Variants in ZNF185 observed in about 807,000 individuals in gnomAD.
ZNF185 encodes the protein zinc finger protein 185 with LIM domain.
In ZNF185, 56 loss-of-function variants were observed where a neutral mutation model predicts 58.6. The ratio of observed to expected loss-of-function variants is 0.95; its 90% CI spans 0.77 to 1.19. The LOEUF is 1.19. Ranked by LOEUF, ZNF185 falls within the 50% of genes most tolerant of loss-of-function variation. The pLI is 0.00. For synonymous variants in ZNF185, 230 were observed against 215.9 expected, an observed-to-expected ratio of 1.07 and a Z score of -0.57; for missense variants, 627 against 573.5, an observed-to-expected ratio of 1.09 and a Z score of -0.95.
chrX:152,914,684 G>C (rs368641142), intron 1 of ZNF185, 26 bp from the exon 3 acceptor site: 5 of 1,195,084 alleles, frequency 4.2e-6, no homozygotes, highest in Non-Finnish European at 5.6e-6. Context: ...TTCCTCTTCT[G>C]AGGCGGTTGG....
chrX:152,951,737 T>G (rs1450908755), intron 16 of ZNF185, among the ~76,000 whole-genome samples: 1 of 112,137 alleles, frequency 8.9e-6, no homozygotes, highest in Non-Finnish European at 1.9e-5. Flanking sequence ...TTATAGTTGT[T>G]ATATACTTTT....
upstream of ZNF185, among the ~76,000 whole-genome samples, chrX:152,909,894 G>A (rs1603091191): frequency 1.9e-5 from 2 of 107,724 alleles, no homozygotes; most frequent in Admixed American, 2.0e-4. Flanking sequence ...CTGCTTGCCT[G>A]GCATCAACTC....
At chrX:152,917,561 A>G (rs954683649) in intron 5 of ZNF185, among the ~76,000 whole-genome samples, 199 bp downstream of exon 6, 1 of 111,394 alleles carries the variant, frequency 9.0e-6, no homozygotes, top group Non-Finnish European at 1.9e-5. Context: ...GGCAGTCCCA[A>G]GTGGATGTGT....
intron 12 of ZNF185, 82 bp from the exon 14 acceptor site, chrX:152,931,590 T>A: frequency 1.2e-6 from 1 of 847,196 alleles, no homozygotes; most frequent in East Asian, 3.5e-5. Context: ...TGGAGACAGC[T>A]GGCGTTTGAG....
chrX:152,931,723 G>C, exon 13 of ZNF185: 4 of 1,210,998 alleles, frequency 3.3e-6, no homozygotes, highest in Non-Finnish European at 4.5e-6. Context: ...GAGAGCTCCA[G>C]AGGGACTTGG....
Position 152,963,820 on chromosome X carries a change from C to T in ZNF185, c.1608-19C>T. Reference sequence around the variant, plus strand: ...AGCTCCCAGGTTGACGTGCCCACCCCTCCCTTTATTTCTTTCAGGGTGAGG... The same window carrying T: ...AGCTCCCAGGTTGACGTGCCCACCCTTCCCTTTATTTCTTTCAGGGTGAGG... On this transcript the variant is annotated intron_variant, in intron 17 of 22. Coordinates refer to ENST00000449285, the Ensembl canonical transcript of ZNF185. 4 of 1,201,817 alleles carry T rather than the reference C, an allele frequency of 3.3e-6. No individual in the cohort carries two copies. The highest frequency in any genetic ancestry group is 4.5e-6 in the Non-Finnish European group (4 of 889,326).
In ZNF185 at chrX:152,940,419, T is replaced by TGGTGAG. The variant is rs2047046557; in HGVS notation, c.1211+2260_1211+2261insAGGGTG. Among the ~76,000 whole-genome samples the TGGTGAG allele has an allele frequency of 2.9e-4, 9 of 30,778 alleles. 1 individual carries two copies. In the South Asian group the frequency reaches 0.018, roughly 62 times the overall value. 26.7% of individuals were successfully genotyped at this position (30,778 alleles called of 115,157 possible). ...GCCGGACACCTCAAAGCTGGGAGTG[T>TGGTGAG]GGTGGGGGTGGGGGTGGGGGTGGGG... On this transcript the variant is annotated intron_variant, in intron 15 of 22. Coordinates refer to ENST00000449285, the Ensembl canonical transcript of ZNF185.
At chrX:152,901,936 G>A in the ZNF185 span, among the ~76,000 whole-genome samples, 9 of 112,046 alleles carry the variant, frequency 8.0e-5, no homozygotes, top group African/African-American at 9.7e-5. Context: ...TTTGACTGCC[G>A]AAGGGTCCCA....
At position 152,938,157 on chromosome X, in the gene ZNF185, CA is replaced by C; in HGVS notation, c.1208del (p.Lys403ArgfsTer70). The C allele has an allele frequency of 8.5e-7, 1 of 1,181,635 alleles. No homozygotes were observed. The highest frequency in any genetic ancestry group is 1.1e-6 in the Non-Finnish European group (1 of 879,897). On this transcript the variant is annotated frameshift_variant, in exon 15 of 23. Coordinates refer to ENST00000449285, the Ensembl canonical transcript of ZNF185. LOFTEE classifies it high-confidence loss of function. Reference sequence around the variant, plus strand: ...GCCCAGGAGGATGCAAAGGCAGACCCAAAGGGGTAAGGCATGAGCAGACAGT... The same window carrying C: ...GCCCAGGAGGATGCAAAGGCAGACCCAAGGGGTAAGGCATGAGCAGACAGT...
At chrX:152,933,988 G>T (rs1287685829) in intron 14 of ZNF185, among the ~76,000 whole-genome samples, 3 of 112,707 alleles carry the variant, frequency 2.7e-5, no homozygotes, top group Admixed American at 9.3e-5. Context: ...CTCCGAGCAG[G>T]TCCAAGGAGA....
At chrX:152,911,090 T>C (rs1312582187), upstream of ZNF185, among the ~76,000 whole-genome samples, 3 of 111,458 alleles carry the variant, frequency 2.7e-5, no homozygotes, top group Admixed American at 1.9e-4. Flanking sequence ...AGGGCTTGCC[T>C]GGGAAGACTT....
At chrX:152,959,736 A>G in exon 17 of ZNF185, 1 of 1,211,649 alleles carries the variant, frequency 8.3e-7, no homozygotes, top group Non-Finnish European at 1.1e-6. Flanking sequence ...TGTGGCCACC[A>G]AGGTCGGAGA....
exon 17 of ZNF185, chrX:152,959,871 G>A (rs782134471): frequency 7.4e-6 from 9 of 1,209,257 alleles, no homozygotes; most frequent in Admixed American, 6.6e-5. Context: ...TGAGCAATTC[G>A]TCAGACGAGA....
At chrX:152,954,692 A>C (rs2125856934) in intron 16 of ZNF185, among the ~76,000 whole-genome samples, 1 of 112,337 alleles carries the variant, frequency 8.9e-6, no homozygotes, top group East Asian at 2.8e-4. Context: ...TCATCTCAAA[A>C]AACTGTTATC....
chrX:152,959,681 G>T lies in ZNF185; in HGVS notation c.1410-18G>T. On this transcript the variant is annotated intron_variant, in intron 16 of 22. Transcript: ENST00000449285. ...AGTCTCAGGGCACTCACTTCATAAG[G>T]GTCTTATTCTTCCTCAGCGTGTTGA... 2 of 1,204,173 alleles carry T rather than the reference G, an allele frequency of 1.7e-6. No individual in the cohort carries two copies. The highest frequency in any genetic ancestry group is 1.1e-6 in the Non-Finnish European group (1 of 891,459).
the ZNF185 span, among the ~76,000 whole-genome samples, chrX:152,905,863 C>T: frequency 8.1e-5 from 9 of 111,112 alleles, no homozygotes; most frequent in Middle Eastern, 4.8e-3. Context: ...AGGGACTCCC[C>T]TCCAGAGTCC....
chrX:152,944,644 G>A (rs1243590659), intron 15 of ZNF185, among the ~76,000 whole-genome samples: 2 of 111,955 alleles, frequency 1.8e-5, no homozygotes, highest in Non-Finnish European at 3.8e-5. Context: ...TGAAGAGCTC[G>A]ATGCCTGAGA....
At position 152,928,507 on chromosome X, in the gene ZNF185, C is replaced by G. The variant is rs116131301; in HGVS notation, c.831-68C>G. 3.5e-3 allele frequency: 4,008 copies of G among 1,133,538 alleles called. 87 individuals are homozygous for G. In the African/African-American group the frequency reaches 0.063, roughly 18 times the overall value. The allele number at this position is 1,133,538 out of a possible 1,213,427, so 93.4% of individuals were successfully genotyped here. On this transcript the variant is annotated intron_variant, in intron 11 of 22. Coordinates refer to ENST00000449285, the Ensembl canonical transcript of ZNF185. The stretch of plus-strand genomic sequence containing the variant: ...CAGTGGGTCTGGGCGGCCCACCGCA[C>G]TCACCAGCCCAAGAAGGGGGAGACT...
exon 12 of ZNF185, chrX:152,928,646 A>G (rs1390729481): frequency 1.9e-5 from 23 of 1,210,180 alleles, no homozygotes; most frequent in Non-Finnish European, 2.6e-5. Flanking sequence ...GTGGCCCCAG[A>G]CGTGGAAGGC....
Sources: gnomAD v4.1 joint callset for allele counts (sites outside exome capture counted in the v4.1 genomes callset) on GRCh38, gnomAD v4.1.1 for gene constraint, MANE v1.5 for transcripts, NCBI Gene and HGNC (gene_info 2026-07-23, HGNC 2026-07-21) for gene names.